The following ADARB1 variants were observed in gnomAD, a reference collection of about 807,000 sequenced individuals.
ADARB1 encodes adenosine deaminase RNA specific B1.
ADARB1 carries 10 observed loss-of-function variants against 52.4 expected under a neutral mutation model. The ratio of observed to expected loss-of-function variants is 0.19; its 90% CI spans 0.12 to 0.32. ADARB1 has a LOEUF of 0.32. ADARB1 is among the 10% of genes least tolerant of loss of function. The pLI, the probability that ADARB1 is intolerant of heterozygous loss-of-function variation, is 1.00. For synonymous variants in ADARB1, 349 were observed against 371.1 expected (o/e 0.94, Z 0.68); for missense variants, 643 against 922.3 (o/e 0.70, Z 3.92).
intron 9 of ADARB1, among the ~76,000 whole-genome samples, chr21:45,217,016 C>T (rs1405899511): frequency 2.0e-5 from 3 of 151,868 alleles, no homozygotes; most frequent in African/African-American, 7.3e-5. Flanking sequence ...ATATAACCTC[C>T]TCAACTTTCT....
intron 2 of ADARB1, 100 bp from the exon 3 acceptor site, chr21:45,171,510 T>C (rs1034113134): frequency 1.3e-6 from 1 of 777,134 alleles, no homozygotes; most frequent in Admixed American, 2.7e-5. Flanking sequence ...TTTTTTTCCT[T>C]TAATTTGTAA....
chr21:45,100,156 A>T (rs572245952), intron 1 of ADARB1, among the ~76,000 whole-genome samples: 30 of 152,368 alleles, frequency 2.0e-4, no homozygotes, highest in African/African-American at 7.2e-4. Context: ...TTCAACATAT[A>T]CAGAAATTTA....
chr21:45,163,143 A>G (rs1190618686), intron 2 of ADARB1, among the ~76,000 whole-genome samples: 1 of 152,256 alleles, frequency 6.6e-6, no homozygotes, highest in Non-Finnish European at 1.5e-5. Flanking sequence ...TGAGGATTGT[A>G]CTAAGTAGAT....
intron 2 of ADARB1, among the ~76,000 whole-genome samples, chr21:45,146,706 C>A (rs1024935046): frequency 1.3e-5 from 2 of 152,220 alleles, no homozygotes; most frequent in African/African-American, 4.8e-5. Flanking sequence ...AGCAACCAGG[C>A]AGCAACAGTC....
At chr21:45,203,478 A>G (rs2092604567) in intron 8 of ADARB1, among the ~76,000 whole-genome samples, 1 of 152,128 alleles carries the variant, frequency 6.6e-6, no homozygotes. Flanking sequence ...GGTACTTCAC[A>G]CCCTGTGTAT....
At chr21:45,160,455 C>T (rs381466) in intron 2 of ADARB1, among the ~76,000 whole-genome samples, 98,597 of 152,212 alleles carry the variant, frequency 0.65, 32,397 homozygotes, top group African/African-American at 0.77. Flanking sequence ...TTGTAACGCT[C>T]ACCATGCTCT....
rs774799479 is a variant in ADARB1, at chr21:45,170,004, C to T, written c.-47-1606C>T. ...TGCCCTCTGTGCCTACATCTCACCT[C>T]CCATTCTAGACCTTAACCCAATTAC... is the stretch of plus-strand genomic sequence containing the variant. On this transcript the variant is annotated intron_variant, in intron 2 of 10. Coordinates refer to ENST00000348831, the MANE Select transcript of ADARB1 (RefSeq NM_001112.4). Among the ~76,000 whole-genome samples the T allele has an allele frequency of 7.2e-4, 109 of 152,362 alleles. No homozygotes were observed. The Middle Eastern group carries it at 0.014, about 19-fold the overall frequency.
intron 6 of ADARB1, among the ~76,000 whole-genome samples, chr21:45,183,006 C>G (rs2091981553): frequency 6.6e-6 from 1 of 152,122 alleles, no homozygotes; most frequent in Non-Finnish European, 1.5e-5. Context: ...TTGTTGTATG[C>G]TGTATAAATA....
At chr21:45,141,420 T>A (rs973583879) in intron 2 of ADARB1, among the ~76,000 whole-genome samples, 5 of 152,256 alleles carry the variant, frequency 3.3e-5, no homozygotes, top group Non-Finnish European at 7.3e-5. Flanking sequence ...GCATTATTTT[T>A]AAATAATGCC....
At chr21:45,075,405 G>A (rs775735374) in intron 1 of ADARB1, among the ~76,000 whole-genome samples, 9 of 151,444 alleles carry the variant, frequency 5.9e-5, no homozygotes, top group Non-Finnish European at 1.0e-4. Context: ...GGGACGCTGT[G>A]CCACGGGAGT....
rs1418607510 is a variant in ADARB1, at chr21:45,128,179, A to C, written c.-219-223A>C. Among the ~76,000 whole-genome samples the C allele has an allele frequency of 6.6e-6, 1 of 152,240 alleles. No individual in the cohort carries two copies. The highest frequency in any genetic ancestry group is 1.5e-5 in the Non-Finnish European group (1 of 68,036). On this transcript the variant is annotated intron_variant, in intron 1 of 10. Coordinates refer to ENST00000348831, the MANE Select transcript of ADARB1 (RefSeq NM_001112.4). The surrounding 1 kb of genome is among the most constrained non-coding windows in gnomAD (Gnocchi z 4.6). ...TGGCAGCGATCTGCCTCCGTCTGTCACAGGTGCCTCTACCTGCTGCAGGCA... is the reference window on the plus strand; with the variant it reads ...TGGCAGCGATCTGCCTCCGTCTGTCCCAGGTGCCTCTACCTGCTGCAGGCA...
At chr21:45,150,970 G>A (rs2090254936) in intron 2 of ADARB1, among the ~76,000 whole-genome samples, 1 of 152,238 alleles carries the variant, frequency 6.6e-6, no homozygotes, top group Non-Finnish European at 1.5e-5. Context: ...GGTGCCATGA[G>A]TCAGGAGGGC....
At chr21:45,075,162 C>T (rs956261689) in intron 1 of ADARB1, among the ~76,000 whole-genome samples, 4 of 150,644 alleles carry the variant, frequency 2.7e-5, no homozygotes, top group African/African-American at 9.8e-5. Flanking sequence ...GACGGTGTGC[C>T]CTGGAGATCG....
intron 2 of ADARB1, among the ~76,000 whole-genome samples, chr21:45,165,375 ATTATTC>A (rs1011324935): frequency 8.5e-5 from 13 of 152,146 alleles, no homozygotes; most frequent in Non-Finnish European, 1.9e-4. Context: ...ATTGTACATT[ATTATTC>A]TTATTTTAAT....
intron 1 of ADARB1, among the ~76,000 whole-genome samples, chr21:45,126,214 G>T (rs2088568162): frequency 1.3e-5 from 2 of 152,202 alleles, no homozygotes; most frequent in African/African-American, 4.8e-5. Context: ...AATATGTTGA[G>T]ATTTTCTTTA....
chr21:45,171,790 T>C, intron 3 of ADARB1, 106 bp downstream of exon 3: 1 of 1,023,748 alleles, frequency 9.8e-7, no homozygotes. Context: ...TTGTGTTTTT[T>C]CCCGTAACAT....
chr21:45,137,733 G>A (rs1488724242), intron 2 of ADARB1, among the ~76,000 whole-genome samples: 2 of 152,174 alleles, frequency 1.3e-5, no homozygotes, highest in African/African-American at 4.8e-5. Flanking sequence ...GATGATGGTG[G>A]CACTGTGAGG....
At chr21:45,140,735 G>A (rs964407666) in intron 2 of ADARB1, among the ~76,000 whole-genome samples, 4 of 152,144 alleles carry the variant, frequency 2.6e-5, no homozygotes, top group Non-Finnish European at 1.5e-5. Flanking sequence ...GAGGACCTGT[G>A]AAGCAATGAG....
intron 2 of ADARB1, among the ~76,000 whole-genome samples, chr21:45,163,225 G>A (rs1386892071): frequency 2.0e-5 from 3 of 152,240 alleles, no homozygotes; most frequent in Non-Finnish European, 2.9e-5. Flanking sequence ...GGACTTAGAG[G>A]TCAGTTCGTA....
Sources: allele counts gnomAD v4.1 joint callset (sites outside exome capture counted in the v4.1 genomes callset), GRCh38; gene constraint gnomAD v4.1.1; non-coding constraint Gnocchi (gnomAD v3.1); transcripts MANE v1.5; gene names NCBI Gene and HGNC (gene_info 2026-07-23, HGNC 2026-07-21).